Variants in DLG1 observed in about 807,000 individuals in gnomAD.
DLG1 encodes discs large MAGUK scaffold protein 1, also known as disks large homolog 1.
A neutral mutation model predicts 123.4 loss-of-function variants in DLG1; 42 were observed. That is an observed-to-expected ratio of 0.34 (90% CI 0.27 to 0.44). DLG1 has a LOEUF of 0.44. Ranked by LOEUF, DLG1 falls within the 20% of genes least tolerant of loss-of-function variation. DLG1 has a pLI of 1.00. For synonymous variants in DLG1, 317 were observed against 356.2 expected (o/e 0.89, Z 1.24); for missense variants, 942 against 1,082.6 (o/e 0.87, Z 1.82).
chr3:197,154,107 C>T (rs949498825), intron 5 of DLG1, among the ~76,000 whole-genome samples: 4 of 151,100 alleles, frequency 2.6e-5, no homozygotes, highest in Non-Finnish European at 5.9e-5. Context: ...TTGAGACCAG[C>T]CTGGCCAACA....
intron 4 of DLG1, among the ~76,000 whole-genome samples, chr3:197,239,449 G>T (rs907928519): frequency 2.6e-5 from 4 of 152,106 alleles, no homozygotes; most frequent in African/African-American, 9.7e-5. Context: ...AATTAAGGAG[G>T]AGGGACTACT....
intron 11 of DLG1, among the ~76,000 whole-genome samples, chr3:197,126,156 T>C (rs1384369689): frequency 6.6e-6 from 1 of 152,100 alleles, no homozygotes; most frequent in African/African-American, 2.4e-5. Flanking sequence ...TAATGCTTTA[T>C]TAGTTCAATA....
chr3:197,271,884 G>A (rs1009761799), intron 4 of DLG1, among the ~76,000 whole-genome samples: 1 of 152,170 alleles, frequency 6.6e-6, no homozygotes, highest in African/African-American at 2.4e-5. Context: ...GCACAATCTT[G>A]TCTGTGAGAA....
chr3:197,214,524 G>C lies in DLG1; in HGVS notation c.319-19935C>G, dbSNP rs138102469. ...GGAGGCGGAGCTTGTAGTGAGCCGA[G>C]ACAGCGCCACTGCACTCTAGCCTGG... On this transcript the variant is annotated intron_variant, in intron 4 of 24. Transcript: ENST00000667157. Among the ~76,000 whole-genome samples, 1,280 of 152,124 alleles carry C rather than the reference G, an allele frequency of 8.4e-3. 17 individuals carry two copies. Among genetic ancestry groups the C allele is most frequent in the African/African-American group, 0.029 (1,213 of 41,456 alleles).
intron 4 of DLG1, among the ~76,000 whole-genome samples, chr3:197,230,470 AT>A (rs1322605230): frequency 6.6e-6 from 1 of 152,156 alleles, no homozygotes; most frequent in Non-Finnish European, 1.5e-5. Flanking sequence ...TAGTCATGAA[AT>A]TTTTTCATTA....
chr3:197,264,378 C>T (rs1446274704), intron 4 of DLG1, among the ~76,000 whole-genome samples: 5 of 152,128 alleles, frequency 3.3e-5, no homozygotes, highest in Admixed American at 3.3e-4. Flanking sequence ...TTTTAAGTGC[C>T]AGCATAACAC....
chr3:197,227,696 GA>G (rs2150571782), intron 4 of DLG1, among the ~76,000 whole-genome samples: 1 of 152,162 alleles, frequency 6.6e-6, no homozygotes, highest in African/African-American at 2.4e-5. Flanking sequence ...ACCTGCTCAA[GA>G]ACACTTTTAA....
At chr3:197,214,563 A>C (rs1248240165) in intron 4 of DLG1, among the ~76,000 whole-genome samples, 1 of 151,932 alleles carries the variant, frequency 6.6e-6, no homozygotes, top group Non-Finnish European at 1.5e-5. Flanking sequence ...ACAGAGCGAG[A>C]CTCTGTCTCA....
chr3:197,068,420 AT>A, intron 19 of DLG1: 1 of 948,574 alleles, frequency 1.1e-6, no homozygotes, highest in Non-Finnish European at 1.6e-6. Flanking sequence ...GTGTAGAAAA[AT>A]AATCAACCAA....
intron 1 of DLG1, 142 bp from the exon 2 acceptor site, chr3:197,297,377 CGCA>C (rs1213556458): frequency 4.1e-6 from 6 of 1,453,114 alleles, no homozygotes; most frequent in East Asian, 5.0e-5. Context: ...AGTCTCAAAA[CGCA>C]GCAGTTGTCT....
chr3:197,209,762 G>A (rs1368339937), intron 4 of DLG1, among the ~76,000 whole-genome samples: 3 of 146,316 alleles, frequency 2.1e-5, no homozygotes, highest in African/African-American at 7.3e-5. Flanking sequence ...AAAATCTCAT[G>A]GTTCAAAGAA....
chr3:197,099,948 A>G (rs1314720301), intron 14 of DLG1, among the ~76,000 whole-genome samples: 2 of 152,184 alleles, frequency 1.3e-5, no homozygotes, highest in Non-Finnish European at 2.9e-5. Flanking sequence ...TGCATGTTCA[A>G]GTCTAACAGG....
chr3:197,287,435 T>C (rs1257876444), intron 3 of DLG1, among the ~76,000 whole-genome samples: 2 of 120,944 alleles, frequency 1.7e-5, no homozygotes, highest in South Asian at 3.1e-4. Context: ...GCTTAGAGCA[T>C]TGGGAATGTT....
intron 11 of DLG1, among the ~76,000 whole-genome samples, chr3:197,126,952 T>G (rs1330115952): frequency 6.6e-6 from 1 of 152,052 alleles, no homozygotes; most frequent in East Asian, 1.9e-4. Context: ...ATTCTACAAT[T>G]TAAAAAAGGA....
intron 5 of DLG1, among the ~76,000 whole-genome samples, chr3:197,159,844 GTATCCTCAATAAA>G (rs1798074390): frequency 6.6e-6 from 1 of 152,018 alleles, no homozygotes; most frequent in African/African-American, 2.4e-5. Context: ...TTTTTTGTGT[GTATCCTCAATAAA>G]TATCCTCATT....
rs780689736 is a variant in DLG1 at position 197,090,930 on chromosome 3, T to C, written c.1643A>G (p.Lys548Arg). 1.9e-6 allele frequency: 3 copies of C among 1,609,644 alleles called. No homozygotes were observed. Among genetic ancestry groups the C allele is most frequent in the Non-Finnish European group, 2.5e-6 (3 of 1,176,720 alleles). ...SGSGSLRTSQKRSLYVRALFD... is the reference protein window; with the variant it reads ...SGSGSLRTSQRRSLYVRALFD... ...AATTTACCTGACATAGAGGGATCGC[T>C]TCTGGCTAGTTCGAAGAGAACCTGA... Residue 548 changes from lysine (K) to arginine (R), a missense_variant, in exon 15 of 25, where the codon AAG becomes AGG. Transcript: ENST00000667157.
At chr3:197,092,016 A>T (rs1251221879) in intron 14 of DLG1, among the ~76,000 whole-genome samples, 1 of 152,220 alleles carries the variant, frequency 6.6e-6, no homozygotes, top group African/African-American at 2.4e-5. Flanking sequence ...TTAAAATTCC[A>T]CATTAATAAT....
Position 197,053,417 on chromosome 3 carries a change from A to T in DLG1, c.2484-1749T>A, listed in dbSNP as rs992484391. On this transcript the variant is annotated intron_variant, in intron 23 of 24. Transcript: ENST00000667157. ...TATAGGATTCTTTGTTGACAGTTAA[A>T]TTTTTTTTTTTTCCTTCAGTGTTTT... 3.4e-5 allele frequency among the ~76,000 whole-genome samples: 5 copies of T among 147,336 alleles called. No individual in the cohort carries two copies. In the Admixed American group the frequency reaches 3.4e-4, roughly 10 times the overall value.
intron 4 of DLG1, among the ~76,000 whole-genome samples, chr3:197,282,131 C>T (rs1466931615): frequency 3.3e-5 from 5 of 152,052 alleles, no homozygotes; most frequent in South Asian, 2.1e-4. Flanking sequence ...ATAACACACA[C>T]AAAAAAGTAT....
Sources: gnomAD v4.1 joint callset for allele counts (sites outside exome capture counted in the v4.1 genomes callset) on GRCh38, gnomAD v4.1.1 for gene constraint, MANE v1.5 for transcripts, NCBI Gene and HGNC (gene_info 2026-07-23, HGNC 2026-07-21) for gene names.